The following PPP4R3B variants were observed in gnomAD, a reference collection of about 807,000 sequenced individuals.
PPP4R3B encodes serine/threonine-protein phosphatase 4 regulatory subunit 3B.
Under a neutral mutation model 95.4 loss-of-function variants are expected in PPP4R3B, and 52 were observed. The ratio of observed to expected loss-of-function variants is 0.54; its 90% CI spans 0.44 to 0.69. The LOEUF is 0.69. Among genes scored for constraint, PPP4R3B ranks in the 30% least tolerant of loss-of-function variants. The probability of loss-of-function intolerance (pLI) is 0.00; values close to 1 mark genes in which losing one functional copy is unlikely to be tolerated. For synonymous variants in PPP4R3B, 407 were observed against 343.9 expected (o/e 1.18, Z -2.03); for missense variants, 1,003 against 1,005.9 (o/e 1.00, Z 0.04).
chr2:55,563,552 T>C (rs1169517498), intron 15 of PPP4R3B, among the ~76,000 whole-genome samples: 1 of 152,128 alleles, frequency 6.6e-6, no homozygotes, highest in Non-Finnish European at 1.5e-5. Context: ...TTTGTGTTTT[T>C]TTGTAGAGAC....
chr2:55,602,256 G>C (rs2586969), intron 3 of PPP4R3B, among the ~76,000 whole-genome samples: 72,660 of 152,096 alleles, frequency 0.48, 18,498 homozygotes, highest in Non-Finnish European at 0.57. Flanking sequence ...TTCTCTGTCT[G>C]TGATATAAAT....
intron 15 of PPP4R3B, among the ~76,000 whole-genome samples, chr2:55,560,302 C>T (rs549926914): frequency 3.3e-5 from 5 of 152,188 alleles, no homozygotes; most frequent in Non-Finnish European, 7.3e-5. Flanking sequence ...GAAGTCCAGG[C>T]TGAGGAGGTC....
chr2:55,600,407 C>G (rs575302317), intron 3 of PPP4R3B, among the ~76,000 whole-genome samples: 167 of 101,380 alleles, frequency 1.6e-3, no homozygotes, highest in African/African-American at 6.4e-3. Context: ...GCCTGGGCAA[C>G]GAGAGTGAAA....
At chr2:55,615,613 G>A in intron 1 of PPP4R3B, 107 bp from the exon 2 acceptor site, 1 of 696,212 alleles carries the variant, frequency 1.4e-6, no homozygotes, top group Admixed American at 2.9e-5. Flanking sequence ...TGTAATCCTA[G>A]CACTTTGGGA....
At chr2:55,608,799 C>A (rs1693766186) in intron 2 of PPP4R3B, among the ~76,000 whole-genome samples, 1 of 152,166 alleles carries the variant, frequency 6.6e-6, no homozygotes, top group Non-Finnish European at 1.5e-5. Flanking sequence ...GCCTGGGCAT[C>A]ATAGTGAGAC....
intron 16 of PPP4R3B, among the ~76,000 whole-genome samples, chr2:55,553,309 C>T (rs1410292548): frequency 1.3e-5 from 2 of 152,186 alleles, no homozygotes; most frequent in Non-Finnish European, 2.9e-5. Flanking sequence ...CATTCTTATA[C>T]TTACAAGGTG....
intron 1 of PPP4R3B, 68 bp from the exon 2 acceptor site, chr2:55,615,574 CATT>C: frequency 8.3e-7 from 1 of 1,203,412 alleles, no homozygotes; most frequent in Non-Finnish European, 1.2e-6. Context: ...TTAGAATACA[CATT>C]AAAGCCGGGC....
At chr2:55,589,970 T>TATATATATATTC (rs1690756477) in intron 4 of PPP4R3B, among the ~76,000 whole-genome samples, 1 of 142,136 alleles carries the variant, frequency 7.0e-6, no homozygotes, top group Non-Finnish European at 1.5e-5. Flanking sequence ...TATATATATT[T>TATATATATATTC]ATATATATAT....
In PPP4R3B at chr2:55,590,359, T is replaced by A. The variant is rs556526248; in HGVS notation, c.922-1403A>T. Among the ~76,000 whole-genome samples, 3 of 152,124 alleles carry A rather than the reference T, an allele frequency of 2.0e-5. No individual in the cohort carries two copies. In the East Asian group the frequency reaches 5.8e-4, roughly 29 times the overall value. ...AACAAAATAATAATAATAAATAAATTTGTTTGTCTAAAGTCTAGGAGTACC... is the reference window on the plus strand; with the variant it reads ...AACAAAATAATAATAATAAATAAATATGTTTGTCTAAAGTCTAGGAGTACC... On this transcript the variant is annotated intron_variant, in intron 4 of 16. Transcript: ENST00000616407.
intron 16 of PPP4R3B, among the ~76,000 whole-genome samples, chr2:55,550,456 G>C (rs1170695604): frequency 6.6e-6 from 1 of 152,186 alleles, no homozygotes; most frequent in African/African-American, 2.4e-5. Flanking sequence ...TGCTTTTGAA[G>C]TACAGCTTAA....
rs1685058582 is a variant in PPP4R3B at position 55,549,965 on chromosome 2, C to T, written c.2496G>A (p.Glu832=). The T allele has an allele frequency of 4.3e-6, 7 of 1,613,236 alleles. No homozygotes were observed. The South Asian group carries it at 6.6e-5, about 15-fold the overall frequency. The part of the protein sequence containing the change: ...VGLVDYPDDE[E]EDEEEESSPR... Reference sequence around the variant, plus strand: ...GGGACGATTCTTCTTCTTCATCTTCCTCTTCATCATCTGGATAATCCACTA... The same window carrying T: ...GGGACGATTCTTCTTCTTCATCTTCTTCTTCATCATCTGGATAATCCACTA... The change falls in exon 17 of 17, where the codon GAG becomes GAA. Residue 832 remains glutamate (E), a synonymous_variant. Coordinates refer to ENST00000616407, the MANE Select transcript of PPP4R3B (RefSeq NM_001122964.3).
intron 3 of PPP4R3B, among the ~76,000 whole-genome samples, chr2:55,601,030 C>A (rs1379957316): frequency 6.6e-6 from 1 of 151,552 alleles, no homozygotes; most frequent in Admixed American, 6.6e-5. Flanking sequence ...GCCTGTAGTC[C>A]CAGCTATTAG....
rs144752748 is a variant in PPP4R3B at position 55,590,067 on chromosome 2, C to T, written c.922-1111G>A. Among the ~76,000 whole-genome samples, 151 of 149,452 alleles carry T rather than the reference C, an allele frequency of 1.0e-3. 2 individuals are homozygous for T. Among genetic ancestry groups the T allele is most frequent in the African/African-American group, 3.1e-3 (124 of 40,614 alleles). ...TGTGGGCCAGGTGTGGTGGCTCATG[C>T]GTGTAATCCCAGCACTTTGGGAGGC... On this transcript the variant is annotated intron_variant, in intron 4 of 16. Coordinates refer to ENST00000616407, the MANE Select transcript of PPP4R3B (RefSeq NM_001122964.3).
chr2:55,579,868 C>G lies in PPP4R3B; in HGVS notation c.1366-87G>C, dbSNP rs1689210145. On this transcript the variant is annotated intron_variant, in intron 8 of 16. Transcript: ENST00000616407. ...TAGCAGTACATACCTTTTCCAGAAC[C>G]AAACCAAAACAAAAAGAATTAGCAG... 8 of 691,532 alleles carry G rather than the reference C, an allele frequency of 1.2e-5. No individual in the cohort carries two copies. The East Asian group carries it at 1.4e-4, about 12-fold the overall frequency. The allele number at this position is 691,532 out of a possible 1,614,324, so 42.8% of individuals were successfully genotyped here.
At chr2:55,584,170 A>G (rs935245308) in intron 7 of PPP4R3B, among the ~76,000 whole-genome samples, 1 of 152,144 alleles carries the variant, frequency 6.6e-6, no homozygotes, top group African/African-American at 2.4e-5. Flanking sequence ...AACAAAAAGG[A>G]AGACAATTAT....
In PPP4R3B at chr2:55,573,690, T is replaced by C. The variant is rs2104081087; in HGVS notation, c.1694A>G (p.Tyr565Cys). The change falls in exon 12 of 17, where the codon TAT becomes TGT. Residue 565 changes from tyrosine (Y) to cysteine (C), a missense_variant. Physicochemically the swap from Tyr to Cys is radical, Grantham distance 194. This residue lies in a region of PPP4R3B where 695 missense variants were observed against 686.2 expected (regional missense o/e 1.01). Coordinates refer to ENST00000616407, the MANE Select transcript of PPP4R3B (RefSeq NM_001122964.3). ...VEHHTYHIKNYIMNKDLLRRV... is the reference protein window; with the variant it reads ...VEHHTYHIKNCIMNKDLLRRV... Reference sequence around the variant, plus strand: ...TCTTAGCAAGTCCTTGTTCATAATATAGTTTTTTATGTGATATGTGTGATG... The same window carrying C: ...TCTTAGCAAGTCCTTGTTCATAATACAGTTTTTTATGTGATATGTGTGATG... The C allele has an allele frequency of 9.1e-6, 14 of 1,546,438 alleles. No individual in the cohort carries two copies. Among genetic ancestry groups the C allele is most frequent in the East Asian group, 2.5e-5 (1 of 40,636 alleles).
intron 8 of PPP4R3B, among the ~76,000 whole-genome samples, chr2:55,580,924 T>C (rs1309978682): frequency 6.6e-6 from 1 of 152,206 alleles, no homozygotes; most frequent in Admixed American, 6.5e-5. Flanking sequence ...TCCTTTTTTA[T>C]GGTGATAAAA....
Position 55,617,395 on chromosome 2 carries a change from C to T in PPP4R3B, c.-110G>A. Reference sequence around the variant, plus strand: ...GTAGTGGCGGTGGCGGCGGCGGCGGCTTCGGAGAGGCCCGAATTCACCATG... The same window carrying T: ...GTAGTGGCGGTGGCGGCGGCGGCGGTTTCGGAGAGGCCCGAATTCACCATG... On this transcript the variant is annotated 5_prime_UTR_variant, in exon 1 of 17. Coordinates refer to ENST00000616407, the MANE Select transcript of PPP4R3B (RefSeq NM_001122964.3). 7.7e-7 allele frequency: 1 copy of T among 1,292,910 alleles called. No individual in the cohort carries two copies. Among genetic ancestry groups the T allele is most frequent in the Non-Finnish European group, 1.0e-6 (1 of 988,166 alleles). 80.1% of individuals were successfully genotyped at this position (1,292,910 alleles called of 1,614,324 possible).
chr2:55,561,977 G>GA (rs1170845174), intron 15 of PPP4R3B, among the ~76,000 whole-genome samples: 1 of 152,160 alleles, frequency 6.6e-6, no homozygotes, highest in African/African-American at 2.4e-5. Flanking sequence ...GACCGGGGTG[G>GA]AATGATATGG....
Sources: allele counts gnomAD v4.1 joint callset (sites outside exome capture counted in the v4.1 genomes callset), GRCh38; gene constraint gnomAD v4.1.1; regional missense constraint gnomAD v4.1.1; transcripts MANE v1.5; gene names NCBI Gene and HGNC (gene_info 2026-07-23, HGNC 2026-07-21).